C1QTNF5: variants seen among roughly 807,000 people sequenced by gnomAD.
C1QTNF5 encodes C1q and TNF related 5.
C1QTNF5 carries 5 observed loss-of-function variants against 10.9 expected under a neutral mutation model. The ratio of observed to expected loss-of-function variants is 0.46; its 90% CI spans 0.24 to 0.97. The LOEUF (loss-of-function observed/expected upper bound fraction) is 0.97. Among genes scored for constraint, C1QTNF5 ranks in the 50% least tolerant of loss-of-function variants. C1QTNF5 has a pLI of 0.19. For missense variants in C1QTNF5, 281 were observed against 339.4 expected (o/e 0.83, Z 1.35); for synonymous variants, 161 against 156.5 (o/e 1.03, Z -0.22).
upstream of C1QTNF5, chr11:119,345,511 G>A: frequency 1.2e-6 from 2 of 1,614,144 alleles, no homozygotes; most frequent in Non-Finnish European, 1.7e-6. Context: ...TCGATCTTGA[G>A]CTGTATTGCA....
chr11:119,340,046 C>A (rs1950485051), intron 2 of C1QTNF5, 138 bp downstream of exon 2: 16 of 1,270,332 alleles, frequency 1.3e-5, no homozygotes, highest in Non-Finnish European at 1.7e-5. Flanking sequence ...CCGCCTGGGC[C>A]CCTCCCCCGC....
upstream of C1QTNF5, chr11:119,345,689 C>T (rs913748980): frequency 4.3e-6 from 7 of 1,612,028 alleles, no homozygotes; most frequent in Admixed American, 6.7e-5. Flanking sequence ...CCTTTATTCT[C>T]AAGGTGCCTC....
upstream of C1QTNF5, chr11:119,341,796 G>A (rs752636189): frequency 1.2e-6 from 2 of 1,613,342 alleles, no homozygotes; most frequent in Middle Eastern, 1.7e-4. Context: ...GTGGCCTTCA[G>A]GCACCTGCTC....
At chr11:119,345,315 C>G, upstream of C1QTNF5, 1 of 1,212,844 alleles carries the variant, frequency 8.2e-7, no homozygotes, top group Admixed American at 1.9e-5. Context: ...GGTCTAGTCT[C>G]TCAATTTCTT....
At chr11:119,344,700 GAGTC>G (rs770957636), upstream of C1QTNF5, 2 of 1,613,974 alleles carry the variant, frequency 1.2e-6, no homozygotes, top group African/African-American at 2.7e-5. Flanking sequence ...ATCACACACT[GAGTC>G]AGGTAGCAGG....
At chr11:119,346,643 A>G in the C1QTNF5 span, 1 of 912,172 alleles carries the variant, frequency 1.1e-6, no homozygotes, top group Non-Finnish European at 1.8e-6. Context: ...CTGCCAGGCT[A>G]GACCAGTTCT....
At position 119,339,927 on chromosome 11, in the gene C1QTNF5, A is replaced by T. The variant is rs1012860160; in HGVS notation, c.215-79T>A. 1.3e-4 allele frequency: 186 copies of T among 1,404,928 alleles called. No homozygotes were observed. The Middle Eastern group carries it at 1.8e-3, about 14-fold the overall frequency. The allele number at this position is 1,404,928 out of a possible 1,614,324, so 87.0% of individuals were successfully genotyped here. ...GGGGCGGCGACTCTAAGGTCACCGTACCCCTCCCCGCCCCTGCCTGAGCTT... is the reference window on the plus strand; with the variant it reads ...GGGGCGGCGACTCTAAGGTCACCGTTCCCCTCCCCGCCCCTGCCTGAGCTT... On this transcript the variant is annotated intron_variant, in intron 2 of 2. Transcript: ENST00000528368. This position sits in a 1 kb window ranked among gnomAD's most constrained non-coding sequence, Gnocchi z 5.4.
chr11:119,339,388 GCTGT>G lies in C1QTNF5; in HGVS notation c.671_674del (p.Asp224AlafsTer32), dbSNP rs749758726. On this transcript the variant is annotated frameshift_variant, in exon 3 of 3. Transcript: ENST00000528368. LOFTEE classifies it high-confidence loss of function. This position sits in a 1 kb window ranked among gnomAD's most constrained non-coding sequence, Gnocchi z 5.4. ...AGTACACCAGAAATCCGGAGAAGGT[GCTGT>G]CTGTCTTGATGCTGGCATAGATGCC... The G allele has an allele frequency of 1.6e-5, 26 of 1,613,142 alleles. No homozygotes were observed. In the African/African-American group the frequency reaches 2.8e-4, roughly 17 times the overall value.
the C1QTNF5 span, chr11:119,346,451 G>A: frequency 1.9e-6 from 3 of 1,613,944 alleles, no homozygotes; most frequent in African/African-American, 1.3e-5. Context: ...GATTCTATGT[G>A]GTCCTTACCT....
upstream of C1QTNF5, among the ~76,000 whole-genome samples, chr11:119,343,377 C>T (rs1010838093): frequency 3.3e-5 from 5 of 152,224 alleles, no homozygotes; most frequent in South Asian, 4.1e-4. Context: ...ATTATCTGGG[C>T]GTGGTGGCAT....
chr11:119,341,815 C>T (rs1161914868), upstream of C1QTNF5: 3 of 1,613,494 alleles, frequency 1.9e-6, no homozygotes, highest in Non-Finnish European at 2.5e-6. Context: ...TCCCAGGCTC[C>T]TCCCCTCCCA....
chr11:119,344,065 G>C, upstream of C1QTNF5: 2 of 1,467,980 alleles, frequency 1.4e-6, no homozygotes, highest in Non-Finnish European at 9.4e-7. Flanking sequence ...GGGGGGATGG[G>C]GTGGTGCTTT....
Position 119,339,710 on chromosome 11 carries a change from G to A in C1QTNF5, c.353C>T (p.Pro118Leu). ...AKRSESRVPP[P>L]SDAPLPFDRV... ...GTCGAAGGGCAAGGGTGCGTCAGAC[G>A]GCGGAGGCACCCGGCTCTCGGAGCG... The change falls in exon 3 of 3, where the codon CCG becomes CTG. Residue 118 changes from proline (P) to leucine (L), a missense_variant. Pro to Leu is a moderately conservative substitution (Grantham distance 98). Coordinates refer to ENST00000528368, the MANE Select transcript of C1QTNF5 (RefSeq NM_001278431.2). This position sits in a 1 kb window ranked among gnomAD's most constrained non-coding sequence, Gnocchi z 5.4. 1 of 1,604,324 alleles carries A rather than the reference G, an allele frequency of 6.2e-7. No individual in the cohort carries two copies. Among genetic ancestry groups the A allele is most frequent in the Non-Finnish European group, 8.5e-7 (1 of 1,178,838 alleles).
At chr11:119,342,053 G>T (rs1045464602), upstream of C1QTNF5, 12 of 1,596,126 alleles carry the variant, frequency 7.5e-6, no homozygotes, top group African/African-American at 1.3e-5. Flanking sequence ...GCAAGTCACC[G>T]AATCGCTCGG....
upstream of C1QTNF5, chr11:119,345,569 G>A (rs36015759): frequency 0.21 from 344,193 of 1,613,692 alleles, 37,687 homozygotes; most frequent in African/African-American, 0.23. Context: ...TGTTGGGGGG[G>A]TAAGGGTCTG....
chr11:119,342,681 C>G, upstream of C1QTNF5: 2 of 1,613,748 alleles, frequency 1.2e-6, no homozygotes, highest in South Asian at 1.1e-5. Context: ...ACTGCACACC[C>G]TTACACCCTC....
rs141453967 is a variant in C1QTNF5, at chr11:119,339,514, C to T, written c.549G>A (p.Gly183=). 6 of 1,613,700 alleles carry T rather than the reference C, an allele frequency of 3.7e-6. No individual in the cohort carries two copies. Among genetic ancestry groups the T allele is most frequent in the Admixed American group, 3.3e-5 (2 of 60,002 alleles). The change falls in exon 3 of 3, where the codon GGG becomes GGA. Residue 183 remains glycine (G), a synonymous_variant. Transcript: ENST00000528368. The surrounding 1 kb of genome is among the most constrained non-coding windows in gnomAD (Gnocchi z 5.4). ...ESIASFFQFF[G]GWPKPASLSG... is the part of the protein sequence containing the mutation. ...AGAGCGAGGCTGGCTTGGGCCACCC[C>T]CCGAAAAACTGGAAGAAAGAGGCAA...
At chr11:119,346,167 T>A in the C1QTNF5 span, 1 of 1,582,622 alleles carries the variant, frequency 6.3e-7, no homozygotes, top group Non-Finnish European at 8.6e-7. Flanking sequence ...GACCTGCGGG[T>A]TGGCAGGTGG....
Position 119,339,818 on chromosome 11 carries a change from G to T in C1QTNF5, c.245C>A (p.Pro82Gln), listed in dbSNP as rs1324412710. 1.3e-6 allele frequency: 2 copies of T among 1,517,890 alleles called. No individual in the cohort carries two copies. The highest frequency in any genetic ancestry group is 2.1e-5 in the Admixed American group (1 of 48,462). 94.0% of individuals were successfully genotyped at this position (1,517,890 alleles called of 1,614,324 possible). Residue 82 changes from proline (P) to glutamine (Q), a missense_variant, in exon 3 of 3, where the codon CCG becomes CAG. Pro to Gln is a moderately conservative substitution (Grantham distance 76). Transcript: ENST00000528368. This position sits in a 1 kb window ranked among gnomAD's most constrained non-coding sequence, Gnocchi z 5.4. The part of the protein sequence containing the change: ...GLPGPRGDPG[P>Q]RGEAGPAGPT... Reference sequence around the variant, plus strand: ...CCCCGCGGGTCCCGCCTCTCCTCGCGGCCCGGGGTCCCCTCGAGGTCCCGG... The same window carrying T: ...CCCCGCGGGTCCCGCCTCTCCTCGCTGCCCGGGGTCCCCTCGAGGTCCCGG...
Sources: gnomAD v4.1 joint callset for allele counts (sites outside exome capture counted in the v4.1 genomes callset) on GRCh38, gnomAD v4.1.1 for gene constraint, Gnocchi (gnomAD v3.1) non-coding constraint, MANE v1.5 for transcripts, NCBI Gene and HGNC (gene_info 2026-07-23, HGNC 2026-07-21) for gene names.